Variants in ZNF362 observed in about 807,000 individuals in gnomAD.
ZNF362 encodes the protein zinc finger protein 362.
A neutral mutation model predicts 42.9 loss-of-function variants in ZNF362; 11 were observed. The observed-to-expected ratio is 0.26, with a 90% confidence interval of 0.16 to 0.42. ZNF362 has a LOEUF of 0.42. ZNF362 is among the 20% of genes least tolerant of loss of function. ZNF362 has a pLI of 1.00. For missense variants in ZNF362, 362 were observed against 576.2 expected (o/e 0.63, Z 3.81); for synonymous variants, 255 against 257.3 (o/e 0.99, Z 0.09).
At chr1:33,173,918 C>T in the ZNF362 span, among the ~76,000 whole-genome samples, 485 of 152,024 alleles carry the variant, frequency 3.2e-3, 18 homozygotes, top group East Asian at 0.083. Context: ...AGGATGGTCT[C>T]GAACTCCTAG....
the ZNF362 span, among the ~76,000 whole-genome samples, chr1:33,168,276 TG>T: frequency 6.6e-6 from 1 of 152,112 alleles, no homozygotes; most frequent in Non-Finnish European, 1.5e-5. Flanking sequence ...AGTCACAAGC[TG>T]AAACCAGAAG....
the ZNF362 span, among the ~76,000 whole-genome samples, chr1:33,236,550 A>AATATAT: frequency 0.025 from 151 of 5,966 alleles, 16 homozygotes; most frequent in South Asian, 0.056. Flanking sequence ...AAAAAAAAAA[A>AATATAT]ATATATATAT....
intron 4 of ZNF362, among the ~76,000 whole-genome samples, chr1:33,279,105 G>A (rs777571663): frequency 1.5e-4 from 23 of 152,000 alleles, no homozygotes. Flanking sequence ...GCTCACTGAA[G>A]CCTCGACCTC....
chr1:33,248,350 C>T, the ZNF362 span, among the ~76,000 whole-genome samples: 1 of 152,216 alleles, frequency 6.6e-6, no homozygotes. Flanking sequence ...TAACCCCCAG[C>T]TCACTGCTGA....
chr1:33,296,652 A>G (rs574143959), intron 8 of ZNF362, among the ~76,000 whole-genome samples: 1 of 152,240 alleles, frequency 6.6e-6, no homozygotes, highest in East Asian at 1.9e-4. Flanking sequence ...AGGGGAAAGA[A>G]GCTTCCATGC....
At chr1:33,275,178 C>T (rs1645934481) in intron 2 of ZNF362, 9 of 985,416 alleles carry the variant, frequency 9.1e-6, no homozygotes, top group Non-Finnish European at 1.1e-5. Context: ...CTCTGTGAGG[C>T]ATGGTCCCTG....
chr1:33,249,686 A>C, the ZNF362 span, among the ~76,000 whole-genome samples: 13 of 152,310 alleles, frequency 8.5e-5, no homozygotes, highest in South Asian at 2.7e-3. Flanking sequence ...CATCTGGGTC[A>C]TAACCTGGGA....
intron 1 of ZNF362, among the ~76,000 whole-genome samples, chr1:33,257,043 C>G (rs1449556750): frequency 1.3e-5 from 2 of 152,176 alleles, no homozygotes; most frequent in Non-Finnish European, 2.9e-5. Context: ...CGGCGCGGTT[C>G]GCGCACTTTG....
the ZNF362 span, among the ~76,000 whole-genome samples, chr1:33,241,551 AAAAT>A: frequency 1.3e-5 from 2 of 152,152 alleles, no homozygotes; most frequent in African/African-American, 4.8e-5. Context: ...TGTTTACACT[AAAAT>A]AAATAAGTAA....
chr1:33,223,213 T>C, the ZNF362 span, among the ~76,000 whole-genome samples: 3 of 152,088 alleles, frequency 2.0e-5, no homozygotes, highest in Admixed American at 6.5e-5. Context: ...ATTGAGCCAC[T>C]GCACTCCAGC....
the ZNF362 span, chr1:33,195,196 A>G: frequency 6.6e-6 from 1 of 152,236 alleles, no homozygotes; most frequent in Non-Finnish European, 1.5e-5. Flanking sequence ...GCATTTAAGG[A>G]TGAATGCAAA....
chr1:33,269,845 A>T (rs1341365189), intron 1 of ZNF362, among the ~76,000 whole-genome samples: 1 of 151,372 alleles, frequency 6.6e-6, no homozygotes, highest in South Asian at 2.1e-4. Flanking sequence ...CTTTCTGTCC[A>T]TTTGTCTAGG....
At chr1:33,248,558 A>T in the ZNF362 span, among the ~76,000 whole-genome samples, 1 of 152,194 alleles carries the variant, frequency 6.6e-6, no homozygotes, top group Non-Finnish European at 1.5e-5. Flanking sequence ...GGAATTTCCT[A>T]TCTCACATCT....
chr1:33,296,931 A>C (rs1646129030), intron 8 of ZNF362, among the ~76,000 whole-genome samples: 1 of 151,604 alleles, frequency 6.6e-6, no homozygotes, highest in Non-Finnish European at 1.5e-5. Context: ...CAACCTCCAG[A>C]GTAGCTGGGG....
At chr1:33,155,419 C>T in the ZNF362 span, among the ~76,000 whole-genome samples, 4 of 151,940 alleles carry the variant, frequency 2.6e-5, no homozygotes, top group African/African-American at 9.7e-5. Context: ...GTTTGTGGAA[C>T]AGAAGAATGA....
the ZNF362 span, among the ~76,000 whole-genome samples, chr1:33,191,950 C>T: frequency 4.5e-3 from 682 of 152,270 alleles, 6 homozygotes; most frequent in African/African-American, 0.015. Context: ...TTAGGGGAGG[C>T]CTCTGCATAG....
the ZNF362 span, among the ~76,000 whole-genome samples, chr1:33,174,941 GTGTGTATA>G: frequency 1.3e-4 from 3 of 23,932 alleles, no homozygotes; most frequent in Admixed American, 1.6e-3. Context: ...ATACATATAT[GTGTGTATA>G]TATATATATA....
the ZNF362 span, among the ~76,000 whole-genome samples, chr1:33,246,907 G>A: frequency 3.3e-5 from 5 of 152,220 alleles, no homozygotes; most frequent in African/African-American, 1.2e-4. Context: ...CCTGTAGGTG[G>A]CTGACAGTCT....
the ZNF362 span, among the ~76,000 whole-genome samples, chr1:33,169,133 T>G: frequency 6.6e-6 from 1 of 152,144 alleles, no homozygotes; most frequent in African/African-American, 2.4e-5. Context: ...CTAAACGTGA[T>G]GCCACGAGGT....
Sources: allele counts gnomAD v4.1 joint callset (sites outside exome capture counted in the v4.1 genomes callset), GRCh38; gene constraint gnomAD v4.1.1; transcripts MANE v1.5; gene names NCBI Gene and HGNC (gene_info 2026-07-23, HGNC 2026-07-21).